FRMPD4: variants seen among roughly 807,000 people sequenced by gnomAD.
The protein encoded by FRMPD4 is FERM and PDZ domain-containing protein 4.
In FRMPD4, 22 loss-of-function variants were observed where a neutral mutation model predicts 94.1. That is an observed-to-expected ratio of 0.23 (90% confidence interval 0.17 to 0.33). The LOEUF (loss-of-function observed/expected upper bound fraction) is 0.33, where lower values mean the gene tolerates loss of function less well. FRMPD4 is among the 10% of genes least tolerant of loss of function. FRMPD4 has a pLI of 1.00. For missense variants in FRMPD4, 1,111 were observed against 1,339.9 expected (o/e 0.83, Z 2.67); for synonymous variants, 631 against 548.6 (o/e 1.15, Z -2.10).
chrX:12,174,593 TGCTACTCTA>T (rs1370870194), intron 1 of FRMPD4, among the ~76,000 whole-genome samples: 1 of 112,155 alleles, frequency 8.9e-6, no homozygotes, highest in Non-Finnish European at 1.9e-5. Context: ...GGACCCTTTG[TGCTACTCTA>T]GCAAACCACA....
intron 2 of FRMPD4, among the ~76,000 whole-genome samples, chrX:12,505,340 T>G (rs1292015754): frequency 9.0e-6 from 1 of 111,192 alleles, no homozygotes; most frequent in African/African-American, 3.3e-5. Context: ...GGGGTGTGGG[T>G]GTTGCTGCCA....
chrX:12,006,268 T>TGGAAGTTGATTCTTAGCAAAATAGCCCAG (rs1295417148), intron 3 of FRMPD4, among the ~76,000 whole-genome samples: 1 of 112,672 alleles, frequency 8.9e-6, no homozygotes, highest in Non-Finnish European at 1.9e-5. Context: ...ATTCTTATGA[T>TGGAAGTTGATTCTTAGCAAAATAGCCCAG]GGAAGTTGAT....
intron 3 of FRMPD4, among the ~76,000 whole-genome samples, chrX:12,034,941 A>T (rs2054712613): frequency 9.0e-6 from 1 of 111,440 alleles, no homozygotes; most frequent in African/African-American, 3.3e-5. Flanking sequence ...TGGGCTGACG[A>T]CTCAAGTTGG....
intron 3 of FRMPD4, among the ~76,000 whole-genome samples, chrX:12,042,559 C>G (rs1338425151): frequency 9.0e-6 from 1 of 111,595 alleles, no homozygotes; most frequent in Non-Finnish European, 1.9e-5. Flanking sequence ...TTCAAGCTGT[C>G]TGACTCTCAC....
At chrX:11,845,123 T>C (rs1260605220) in intron 1 of FRMPD4, among the ~76,000 whole-genome samples, 1 of 112,444 alleles carries the variant, frequency 8.9e-6, no homozygotes, top group African/African-American at 3.2e-5. Context: ...TTCAGTATGG[T>C]TTGAACGTAT....
At chrX:12,519,532 G>A (rs2058139284) in intron 2 of FRMPD4, among the ~76,000 whole-genome samples, 1 of 112,110 alleles carries the variant, frequency 8.9e-6, no homozygotes, top group South Asian at 3.7e-4. Flanking sequence ...TAAGGCAACA[G>A]AGGAAAAAAT....
chrX:12,009,478 G>A (rs1038725583), intron 3 of FRMPD4, among the ~76,000 whole-genome samples: 1 of 112,255 alleles, frequency 8.9e-6, no homozygotes, highest in African/African-American at 3.2e-5. Flanking sequence ...TACAGAAGAT[G>A]TAAAACAAAT....
chrX:12,133,445 T>G (rs2055569357), intron 3 of FRMPD4, among the ~76,000 whole-genome samples: 1 of 108,452 alleles, frequency 9.2e-6, no homozygotes, highest in East Asian at 2.9e-4. Flanking sequence ...ATTTTTTTCA[T>G]ATACGGTCTC....
intron 1 of FRMPD4, among the ~76,000 whole-genome samples, chrX:12,198,233 T>G (rs1399880867): frequency 1.8e-5 from 2 of 111,949 alleles, no homozygotes; most frequent in Non-Finnish European, 1.9e-5. Context: ...GGTTTCCATC[T>G]TGATTCACTG....
chrX:12,665,118 C>A (rs966141325), intron 4 of FRMPD4, among the ~76,000 whole-genome samples: 10 of 110,045 alleles, frequency 9.1e-5, no homozygotes, highest in South Asian at 3.9e-4. Flanking sequence ...GTCTGGCCAG[C>A]AGTCTGTCTA....
chrX:11,843,951 G>A (rs1363879125), intron 1 of FRMPD4, among the ~76,000 whole-genome samples: 2 of 97,644 alleles, frequency 2.0e-5, no homozygotes, highest in Non-Finnish European at 4.2e-5. Flanking sequence ...ACATTCTTTT[G>A]TAAGGCAGAT....
intron 1 of FRMPD4, among the ~76,000 whole-genome samples, chrX:12,305,724 A>ATTTTTTTTTTTTTTTTTTT (rs1264959011): frequency 2.3e-5 from 1 of 44,248 alleles, no homozygotes; most frequent in African/African-American, 1.3e-4. Context: ...CAGCTGGCTA[A>ATTTTTTTTTTTTTTTTTTT]GTTTTTTTTT....
At chrX:12,665,160 G>A (rs758506601) in intron 4 of FRMPD4, among the ~76,000 whole-genome samples, 2 of 111,071 alleles carry the variant, frequency 1.8e-5, no homozygotes, top group Non-Finnish European at 3.8e-5. Context: ...AAAAAAAAAC[G>A]TGCTGGGTGC....
At chrX:12,090,623 G>A (rs888163884) in intron 3 of FRMPD4, among the ~76,000 whole-genome samples, 42 of 110,830 alleles carry the variant, frequency 3.8e-4, no homozygotes, top group African/African-American at 1.3e-3. Context: ...TGTATACACA[G>A]CCAAGCACAC....
chrX:12,705,711 T>A (rs1421006488), intron 11 of FRMPD4, among the ~76,000 whole-genome samples: 2 of 111,587 alleles, frequency 1.8e-5, no homozygotes, highest in Non-Finnish European at 3.8e-5. Context: ...CTAATTTCTA[T>A]AATTGACTTG....
chrX:12,061,674 T>C (rs185822802), intron 3 of FRMPD4, among the ~76,000 whole-genome samples: 3 of 112,289 alleles, frequency 2.7e-5, no homozygotes, highest in African/African-American at 6.4e-5. Context: ...TGATATTTAT[T>C]TGGAAACTCA....
chrX:11,875,933 T>C (rs1451099629), intron 2 of FRMPD4, among the ~76,000 whole-genome samples: 5 of 94,817 alleles, frequency 5.3e-5, no homozygotes, highest in African/African-American at 1.2e-4. Flanking sequence ...TGGAGTGCAG[T>C]GGCGCGATCT....
At chrX:12,393,619 T>C (rs1183398164) in intron 1 of FRMPD4, among the ~76,000 whole-genome samples, 1 of 112,217 alleles carries the variant, frequency 8.9e-6, no homozygotes, top group Non-Finnish European at 1.9e-5. Flanking sequence ...CATTGATCTG[T>C]TTTTAAAGCA....
At chrX:12,066,451 G>A (rs1344675520) in intron 3 of FRMPD4, among the ~76,000 whole-genome samples, 1 of 111,930 alleles carries the variant, frequency 8.9e-6, no homozygotes, top group African/African-American at 3.2e-5. Flanking sequence ...CAGGAACAAT[G>A]AAAGGGATCA....
Sources: allele counts gnomAD v4.1 joint callset (sites outside exome capture counted in the v4.1 genomes callset), GRCh38; gene constraint gnomAD v4.1.1; transcripts MANE v1.5; gene names NCBI Gene and HGNC (gene_info 2026-07-23, HGNC 2026-07-21).